The following AP4E1 variants were observed in gnomAD, a reference collection of about 807,000 sequenced individuals.
AP4E1 encodes adaptor related protein complex 4 subunit epsilon 1.
In AP4E1, 56 loss-of-function variants were observed where a neutral mutation model predicts 128.2. The observed-to-expected ratio is 0.44, with a 90% CI of 0.35 to 0.55. AP4E1 has a LOEUF of 0.55. Among genes scored for constraint, AP4E1 ranks in the 20% least tolerant of loss-of-function variants. AP4E1 has a pLI of 0.00. For synonymous variants in AP4E1, 484 were observed against 473.1 expected (o/e 1.02, Z -0.30); for missense variants, 1,324 against 1,307.7 (o/e 1.01, Z -0.19).
intron 16 of AP4E1, among the ~76,000 whole-genome samples, chr15:50,987,594 T>A (rs1265627670): frequency 1.3e-5 from 2 of 152,230 alleles, no homozygotes; most frequent in African/African-American, 4.8e-5. Flanking sequence ...TTGTTCAGTT[T>A]CCATGTAGTT....
upstream of AP4E1, chr15:50,908,543 T>G: frequency 2.2e-6 from 1 of 455,486 alleles, no homozygotes; most frequent in South Asian, 4.6e-5. Flanking sequence ...AGAAAGGAGG[T>G]CTACTTACGC....
intron 13 of AP4E1, among the ~76,000 whole-genome samples, chr15:50,952,971 C>T (rs573522160): frequency 4.6e-5 from 7 of 152,176 alleles, no homozygotes; most frequent in African/African-American, 1.7e-4. Flanking sequence ...TGCCTGTCAT[C>T]CCAGCACTTT....
chr15:50,965,168 A>G (rs546741588), intron 14 of AP4E1, among the ~76,000 whole-genome samples: 1 of 152,234 alleles, frequency 6.6e-6, no homozygotes, highest in Admixed American at 6.5e-5. Context: ...TTTCTTATAA[A>G]TTACCCAGTC....
intron 17 of AP4E1, among the ~76,000 whole-genome samples, chr15:50,995,504 G>C (rs1360079223): frequency 6.6e-6 from 1 of 150,602 alleles, no homozygotes; most frequent in Non-Finnish European, 1.5e-5. Flanking sequence ...GCCTGTCTCA[G>C]TCTCCCCAGT....
At chr15:50,915,054 A>G (rs939643285) in intron 2 of AP4E1, among the ~76,000 whole-genome samples, 2 of 152,164 alleles carry the variant, frequency 1.3e-5, no homozygotes, top group Non-Finnish European at 2.9e-5. Context: ...AATTTTATGG[A>G]TGTTTTCATT....
At chr15:50,939,785 C>T (rs1044261629) in intron 8 of AP4E1, among the ~76,000 whole-genome samples, 1 of 151,880 alleles carries the variant, frequency 6.6e-6, no homozygotes, top group Non-Finnish European at 1.5e-5. Flanking sequence ...GGTAGGAAGC[C>T]GTAATGAAAA....
At chr15:50,990,262 A>G (rs185189242) in intron 16 of AP4E1, among the ~76,000 whole-genome samples, 5 of 151,362 alleles carry the variant, frequency 3.3e-5, no homozygotes, top group Non-Finnish European at 5.9e-5. Context: ...AATGTTTCAT[A>G]TAATTAAGAA....
chr15:50,988,539 T>C (rs1367566329), intron 16 of AP4E1, among the ~76,000 whole-genome samples: 1 of 152,174 alleles, frequency 6.6e-6, no homozygotes, highest in Non-Finnish European at 1.5e-5. Context: ...GGTCTCAAAC[T>C]ACTGGCCTCA....
intron 10 of AP4E1, among the ~76,000 whole-genome samples, chr15:50,947,354 T>G (rs578178749): frequency 6.6e-6 from 1 of 150,716 alleles, no homozygotes; most frequent in South Asian, 2.1e-4. Context: ...AGGTGGAGGT[T>G]GCATTGAGCT....
intron 13 of AP4E1, among the ~76,000 whole-genome samples, chr15:50,958,159 A>G (rs2140877171): frequency 6.6e-6 from 1 of 152,348 alleles, no homozygotes; most frequent in Middle Eastern, 3.4e-3. Context: ...AACCATCATT[A>G]CATGAGAACC....
intron 11 of AP4E1, 69 bp from the exon 12 acceptor site, chr15:50,949,757 G>T: frequency 8.3e-7 from 1 of 1,210,590 alleles, no homozygotes; most frequent in Non-Finnish European, 1.2e-6. Context: ...TTTTTTAAAA[G>T]ATTGCTACAG....
At position 50,916,387 on chromosome 15, in the gene AP4E1, A is replaced by T. The variant is rs28510866; in HGVS notation, c.346+816A>T. ...TGAGGATTAGCAGTGTCTTAAAAAA[A>T]TTTTCTCTCTATAGTCAACCTTTAG... On this transcript the variant is annotated intron_variant, in intron 3 of 20. Coordinates refer to ENST00000261842, the MANE Select transcript of AP4E1 (RefSeq NM_007347.5). 6.6e-3 allele frequency among the ~76,000 whole-genome samples: 1,000 copies of T among 152,298 alleles called. 11 individuals are homozygous for T. Among genetic ancestry groups the T allele is most frequent in the African/African-American group, 0.018 (748 of 41,540 alleles).
chr15:50,914,071 T>G (rs2141129509), intron 2 of AP4E1, among the ~76,000 whole-genome samples: 1 of 152,220 alleles, frequency 6.6e-6, no homozygotes. Flanking sequence ...CTGCCCTCCT[T>G]GGCCTCCCAA....
Position 51,004,102 on chromosome 15 carries a change from A to G in AP4E1, c.*1440A>G, listed in dbSNP as rs959632334. 2.0e-5 allele frequency: 3 copies of G among 152,238 alleles called. No individual in the cohort carries two copies. The highest frequency in any genetic ancestry group is 7.2e-5 in the African/African-American group (3 of 41,468). 9.4% of individuals were successfully genotyped at this position (152,238 alleles called of 1,614,324 possible). ...AAACATACAGTGAAGCCTTGCTACA[A>G]GAGTCATAAGTGACTGGAATTTCTT... On this transcript the variant is annotated 3_prime_UTR_variant, in exon 21 of 21. Coordinates refer to ENST00000261842, the MANE Select transcript of AP4E1 (RefSeq NM_007347.5).
At chr15:50,940,559 G>T (rs1217562806) in intron 8 of AP4E1, among the ~76,000 whole-genome samples, 1 of 152,128 alleles carries the variant, frequency 6.6e-6, no homozygotes, top group Admixed American at 6.5e-5. Flanking sequence ...CAGGACACTT[G>T]ATATACTTCA....
At chr15:51,000,062 C>T (rs1233447106) in intron 19 of AP4E1, among the ~76,000 whole-genome samples, 1 of 151,724 alleles carries the variant, frequency 6.6e-6, no homozygotes, top group African/African-American at 2.4e-5. Context: ...ATGCAGAATA[C>T]CGATGAATAT....
chr15:50,926,604 CTT>C (rs1055961596), intron 5 of AP4E1, among the ~76,000 whole-genome samples: 1 of 143,682 alleles, frequency 7.0e-6, no homozygotes. Flanking sequence ...AGCTTGTATT[CTT>C]TTTTTTTTTT....
At chr15:50,930,664 A>G (rs2063822194) in intron 6 of AP4E1, 141 bp from the exon 7 acceptor site, 5 of 837,622 alleles carry the variant, frequency 6.0e-6, no homozygotes, top group South Asian at 1.7e-5. Context: ...GGAAGATATT[A>G]TACATATTAG....
intron 16 of AP4E1, 129 bp downstream of exon 16, chr15:50,984,274 A>T (rs954822651): frequency 5.2e-6 from 6 of 1,147,908 alleles, no homozygotes; most frequent in African/African-American, 1.6e-5. Flanking sequence ...AACTTTCAAG[A>T]GGTCTATTGT....
Sources: allele counts gnomAD v4.1 joint callset (sites outside exome capture counted in the v4.1 genomes callset), GRCh38; gene constraint gnomAD v4.1.1; transcripts MANE v1.5; gene names NCBI Gene and HGNC (gene_info 2026-07-23, HGNC 2026-07-21).